The following SAMD12 variants were observed in gnomAD, a reference collection of about 807,000 sequenced individuals.
The protein encoded by SAMD12 is sterile alpha motif domain-containing protein 12.
SAMD12 carries 9 observed loss-of-function variants against 15.0 expected under a neutral mutation model. The observed-to-expected ratio is 0.60, with a 90% confidence interval of 0.36 to 1.05. The LOEUF (loss-of-function observed/expected upper bound fraction) is 1.05, where lower values mean the gene tolerates loss of function less well. Ranked by LOEUF, SAMD12 falls within the 50% of genes least tolerant of loss-of-function variation. The pLI, the probability that SAMD12 is intolerant of heterozygous loss-of-function variation, is 0.01. For synonymous variants in SAMD12, 86 were observed against 90.1 expected (o/e 0.96, Z 0.25); for missense variants, 230 against 234.2 (o/e 0.98, Z 0.12).
At chr8:118,586,138 C>T (rs1315002633) in intron 1 of SAMD12, among the ~76,000 whole-genome samples, 1 of 152,178 alleles carries the variant, frequency 6.6e-6, no homozygotes, top group Non-Finnish European at 1.5e-5. Context: ...CACATAGAAA[C>T]TGCAAGCAGT....
intron 2 of SAMD12, among the ~76,000 whole-genome samples, chr8:118,461,644 G>GT (rs1823426835): frequency 6.6e-6 from 1 of 152,002 alleles, no homozygotes; most frequent in Admixed American, 6.5e-5. Context: ...TTTTCAACTT[G>GT]TTTTTACTTA....
intron 3 of SAMD12, among the ~76,000 whole-genome samples, chr8:118,436,355 G>A (rs1822575145): frequency 6.6e-6 from 1 of 152,302 alleles, no homozygotes; most frequent in African/African-American, 2.4e-5. Context: ...AAACTAACGT[G>A]TGGCATTATG....
the SAMD12 span, among the ~76,000 whole-genome samples, chr8:118,139,158 G>T: frequency 6.6e-6 from 1 of 151,676 alleles, no homozygotes; most frequent in Non-Finnish European, 1.5e-5. Context: ...CATAGGAGGA[G>T]CAAGTAATGT....
At position 118,378,720 on chromosome 8, in the gene SAMD12, C is replaced by T. The variant is rs1586631450; in HGVS notation, c.*697G>A. ...CATTTAAAACGATGTACAATGGACG[C>T]TAAAATAAAACAAATAAAGTTTATA... On this transcript the variant is annotated 3_prime_UTR_variant, in exon 4 of 4. Coordinates refer to ENST00000314727, the MANE Select transcript of SAMD12 (RefSeq NM_207506.3). 6.1e-6 allele frequency: 6 copies of T among 984,906 alleles called. No homozygotes were observed. Among genetic ancestry groups the T allele is most frequent in the Non-Finnish European group, 7.2e-6 (6 of 829,558 alleles). 61.0% of individuals were successfully genotyped at this position (984,906 alleles called of 1,614,324 possible). A position where few individuals can be genotyped will look rare whatever the true frequency, so the allele number is the denominator to read the frequency against.
the SAMD12 span, among the ~76,000 whole-genome samples, chr8:118,144,330 C>T: frequency 2.0e-5 from 3 of 152,150 alleles, no homozygotes; most frequent in African/African-American, 7.2e-5. Flanking sequence ...TAGCCACTCT[C>T]CCACTTCTAT....
intron 4 of SAMD12, among the ~76,000 whole-genome samples, chr8:118,313,480 C>G (rs1384302854): frequency 6.6e-6 from 1 of 152,094 alleles, no homozygotes; most frequent in Non-Finnish European, 1.5e-5. Flanking sequence ...CTGCAGGTAC[C>G]TACCTGCAGT....
At chr8:118,167,776 T>C in the SAMD12 span, among the ~76,000 whole-genome samples, 108,994 of 151,866 alleles carry the variant, frequency 0.72, 39,390 homozygotes, top group Middle Eastern at 0.79. Flanking sequence ...TCCTAACATC[T>C]CCTCACAGAG....
At chr8:118,408,841 C>G (rs1168642290) in intron 3 of SAMD12, among the ~76,000 whole-genome samples, 2 of 152,118 alleles carry the variant, frequency 1.3e-5, no homozygotes, top group Non-Finnish European at 2.9e-5. Flanking sequence ...AGCTCTCCTA[C>G]TAAAAAGAGC....
chr8:118,390,278 G>C (rs1236585716), intron 3 of SAMD12, among the ~76,000 whole-genome samples: 3 of 152,140 alleles, frequency 2.0e-5, no homozygotes. Context: ...AAAGTGCTAG[G>C]ATTACAGGCG....
the SAMD12 span, among the ~76,000 whole-genome samples, chr8:118,153,514 G>C: frequency 6.6e-6 from 1 of 152,224 alleles, no homozygotes; most frequent in Admixed American, 6.5e-5. Flanking sequence ...ATTTCCTTCT[G>C]CAAAGAGAGA....
chr8:118,517,873 T>C (rs577740820), intron 2 of SAMD12, among the ~76,000 whole-genome samples: 20 of 152,302 alleles, frequency 1.3e-4, no homozygotes, highest in Admixed American at 1.2e-3. Flanking sequence ...AGGGTGCTGA[T>C]TCACACATGT....
At chr8:118,336,247 T>C (rs1265327484) in intron 4 of SAMD12, among the ~76,000 whole-genome samples, 1 of 152,214 alleles carries the variant, frequency 6.6e-6, no homozygotes, top group African/African-American at 2.4e-5. Context: ...CAGGATACAT[T>C]GTCAGAGACG....
intron 2 of SAMD12, among the ~76,000 whole-genome samples, chr8:118,553,336 A>G (rs2131188643): frequency 1.3e-5 from 2 of 152,212 alleles, no homozygotes; most frequent in South Asian, 4.1e-4. Context: ...AAACAGAGAT[A>G]TAGATCAATG....
intron 4 of SAMD12, among the ~76,000 whole-genome samples, chr8:118,356,303 T>C (rs1818220364): frequency 6.6e-6 from 1 of 152,224 alleles, no homozygotes; most frequent in Non-Finnish European, 1.5e-5. Context: ...CACTCTGTGA[T>C]AGTTTATTCC....
intron 1 of SAMD12, among the ~76,000 whole-genome samples, chr8:118,613,391 T>C (rs1349047432): frequency 2.0e-5 from 3 of 152,220 alleles, no homozygotes; most frequent in East Asian, 1.9e-4. Flanking sequence ...TAGGTTATAA[T>C]TGAAAGTATG....
chr8:118,286,775 G>C (rs2130211435), intron 4 of SAMD12, among the ~76,000 whole-genome samples: 1 of 152,314 alleles, frequency 6.6e-6, no homozygotes, highest in East Asian at 1.9e-4. Flanking sequence ...AATGGTAAAG[G>C]AGGTTTGGAG....
chr8:118,557,236 C>T (rs915513100), intron 2 of SAMD12, among the ~76,000 whole-genome samples: 2 of 152,182 alleles, frequency 1.3e-5, no homozygotes, highest in Admixed American at 1.3e-4. Flanking sequence ...GTTTATAAGG[C>T]AGTTTTCCCT....
At chr8:118,476,476 T>A (rs1474813169) in intron 2 of SAMD12, among the ~76,000 whole-genome samples, 2 of 152,194 alleles carry the variant, frequency 1.3e-5, no homozygotes, top group Non-Finnish European at 2.9e-5. Flanking sequence ...AAATAAAGAA[T>A]CCAAGTAGAG....
chr8:118,432,284 T>A (rs556017334), intron 3 of SAMD12, among the ~76,000 whole-genome samples: 4 of 139,830 alleles, frequency 2.9e-5, no homozygotes, highest in East Asian at 4.1e-4. Context: ...GTTATTTTCT[T>A]ACCTCTTGCA....
Sources: gnomAD v4.1 joint callset for allele counts (sites outside exome capture counted in the v4.1 genomes callset) on GRCh38, gnomAD v4.1.1 for gene constraint, MANE v1.5 for transcripts, NCBI Gene and HGNC (gene_info 2026-07-23, HGNC 2026-07-21) for gene names.